SLC8A1: variants seen among roughly 807,000 people sequenced by gnomAD.
SLC8A1 encodes the protein solute carrier family 8 member A1.
SLC8A1 carries 18 observed loss-of-function variants against 68.3 expected under a neutral mutation model. The ratio of observed to expected loss-of-function variants is 0.26; its 90% confidence interval spans 0.18 to 0.39. The LOEUF (loss-of-function observed/expected upper bound fraction) is 0.39. Ranked by LOEUF, SLC8A1 falls within the 10% of genes least tolerant of loss-of-function variation. The pLI, the probability that SLC8A1 is intolerant of heterozygous loss-of-function variation, is 1.00. For missense variants in SLC8A1, 985 were observed against 1,156.7 expected, an observed-to-expected ratio of 0.85 and a Z score of 2.15; for synonymous variants, 475 against 415.5, an observed-to-expected ratio of 1.14 and a Z score of -1.74.
Position 40,282,548 on chromosome 2 carries a change from G to T in SLC8A1, c.1809-104693C>A, listed in dbSNP as rs557361775. Among the ~76,000 whole-genome samples, 3 of 152,272 alleles carry T rather than the reference G, an allele frequency of 2.0e-5. No homozygotes were observed. The East Asian group carries it at 5.8e-4, about 29-fold the overall frequency. On this transcript the variant is annotated intron_variant, in intron 2 of 7. Transcript: ENST00000406785. ...TACCCAAGATTAAAAATAAAAAATA[G>T]ACCTTGCTCTCAAGAGATTTCCTTT... is the stretch of plus-strand genomic sequence containing the variant.
chr2:40,224,924 C>T lies in SLC8A1; in HGVS notation c.1809-47069G>A, dbSNP rs181129871. 6.7e-4 allele frequency among the ~76,000 whole-genome samples: 102 copies of T among 152,300 alleles called. 1 individual carries two copies. The highest frequency in any genetic ancestry group is 6.8e-3 in the Middle Eastern group (2 of 294). The stretch of plus-strand genomic sequence containing the variant: ...AGGCTTGAGATGTGCTTAATTTTTA[C>T]AACTCCTGAAGTAGGAATACTGACT... On this transcript the variant is annotated intron_variant, in intron 2 of 7. Coordinates refer to ENST00000406785, the Ensembl canonical transcript of SLC8A1.
At chr2:40,319,250 AG>A (rs746301679) in intron 2 of SLC8A1, among the ~76,000 whole-genome samples, 2 of 152,108 alleles carry the variant, frequency 1.3e-5, no homozygotes, top group Admixed American at 6.6e-5. Flanking sequence ...GTGTTCGTGA[AG>A]CTTCCAGCAG....
chr2:40,241,136 G>A (rs978560068), intron 2 of SLC8A1, among the ~76,000 whole-genome samples: 3 of 151,912 alleles, frequency 2.0e-5, no homozygotes, highest in Non-Finnish European at 4.4e-5. Flanking sequence ...AAGCTAATAC[G>A]GTATATATAC....
intron 2 of SLC8A1, among the ~76,000 whole-genome samples, chr2:40,357,939 G>T (rs1673245719): frequency 6.6e-6 from 1 of 150,802 alleles, no homozygotes; most frequent in Non-Finnish European, 1.5e-5. Flanking sequence ...TGGTTCCTCT[G>T]TGCTGCCAGA....
At chr2:40,339,625 T>C (rs111250253) in intron 2 of SLC8A1, among the ~76,000 whole-genome samples, 8 of 152,194 alleles carry the variant, frequency 5.3e-5, no homozygotes, top group African/African-American at 1.7e-4. Context: ...GGTTATGAAA[T>C]AGAATGCAAT....
chr2:40,477,931 C>T (rs564036038), intron 1 of SLC8A1, among the ~76,000 whole-genome samples: 1 of 152,176 alleles, frequency 6.6e-6, no homozygotes, highest in African/African-American at 2.4e-5. Flanking sequence ...AGGGAATAAC[C>T]AGATGACCAT....
chr2:40,180,487 C>T (rs922312689), intron 2 of SLC8A1, among the ~76,000 whole-genome samples: 3 of 152,196 alleles, frequency 2.0e-5, no homozygotes, highest in Non-Finnish European at 2.9e-5. Context: ...GTCTTGCAAT[C>T]TTAAACTTTA....
At chr2:40,433,202 T>G (rs1228737391) in intron 1 of SLC8A1, among the ~76,000 whole-genome samples, 1 of 152,148 alleles carries the variant, frequency 6.6e-6, no homozygotes, top group Non-Finnish European at 1.5e-5. Flanking sequence ...CCCACTTCCC[T>G]GAGGACAAAG....
intron 2 of SLC8A1, among the ~76,000 whole-genome samples, chr2:40,386,271 A>G (rs1317575025): frequency 4.0e-5 from 6 of 151,450 alleles, no homozygotes; most frequent in Non-Finnish European, 2.9e-5. Context: ...ATTTTAGTTT[A>G]GATATTTTCC....
rs958473368 is a variant in SLC8A1, at chr2:40,410,242, C to T, written c.1808+18231G>A. Among the ~76,000 whole-genome samples the T allele has an allele frequency of 7.9e-5, 12 of 152,058 alleles. No individual in the cohort carries two copies. The South Asian group carries it at 2.1e-3, about 26-fold the overall frequency. ...AAGGATGTAATGAAAAAAATCAGGC[C>T]ATCAGAACAATAAATTATCCTGACT... On this transcript the variant is annotated intron_variant, in intron 2 of 7. Transcript: ENST00000406785.
chr2:40,187,614 T>C (rs418380), intron 2 of SLC8A1, among the ~76,000 whole-genome samples: 37,181 of 152,000 alleles, frequency 0.24, 4,819 homozygotes, highest in African/African-American at 0.29. Flanking sequence ...AAATGCAAAA[T>C]AAGAATAAAT....
At chr2:40,198,257 G>A (rs2053471540) in intron 2 of SLC8A1, among the ~76,000 whole-genome samples, 1 of 151,892 alleles carries the variant, frequency 6.6e-6, no homozygotes, top group African/African-American at 2.4e-5. Flanking sequence ...GGAAGATAAC[G>A]GTAGCAAAAA....
chr2:40,408,688 C>A (rs1016335839), intron 2 of SLC8A1, among the ~76,000 whole-genome samples: 1 of 152,162 alleles, frequency 6.6e-6, no homozygotes, highest in Non-Finnish European at 1.5e-5. Context: ...CCTTCACACA[C>A]ACAACAGTGG....
At chr2:40,363,795 A>T (rs1675255424) in intron 2 of SLC8A1, among the ~76,000 whole-genome samples, 1 of 151,924 alleles carries the variant, frequency 6.6e-6, no homozygotes, top group African/African-American at 2.4e-5. Flanking sequence ...ACAGCATTGT[A>T]TTTGGGCCCT....
Position 40,430,336 on chromosome 2 carries a change from A to T in SLC8A1, c.-24-32T>A. 4 of 1,534,798 alleles carry T rather than the reference A, an allele frequency of 2.6e-6. No homozygotes were observed. In the South Asian group the frequency reaches 5.2e-5, roughly 20 times the overall value. On this transcript the variant is annotated intron_variant, in intron 1 of 7. Coordinates refer to ENST00000406785, the Ensembl canonical transcript of SLC8A1. ...AAAATAAGATGGGGGAGAGGGCAGA[A>T]AAAAAGTCATGTCATTAGAGCTGCA...
chr2:40,255,508 A>C (rs995481870), intron 2 of SLC8A1, among the ~76,000 whole-genome samples: 35 of 152,324 alleles, frequency 2.3e-4, no homozygotes, highest in African/African-American at 7.2e-4. Flanking sequence ...AGTAGGGAGA[A>C]AGTGTTCTGG....
At chr2:40,169,977 A>G (rs181514312) in intron 4 of SLC8A1, among the ~76,000 whole-genome samples, 3 of 152,298 alleles carry the variant, frequency 2.0e-5, no homozygotes, top group Admixed American at 2.0e-4. Context: ...TACACTTGGG[A>G]TAAAAACTGA....
chr2:40,251,994 G>C (rs1300067552), intron 2 of SLC8A1, among the ~76,000 whole-genome samples: 1 of 151,696 alleles, frequency 6.6e-6, no homozygotes, highest in African/African-American at 2.4e-5. Flanking sequence ...TGAGAAAAAA[G>C]TTTGTTTTTA....
chr2:40,252,366 T>A (rs1337218886), intron 2 of SLC8A1, among the ~76,000 whole-genome samples: 1 of 152,154 alleles, frequency 6.6e-6, no homozygotes, highest in Admixed American at 6.5e-5. Flanking sequence ...GGAGTCTTGC[T>A]CTGTCACCCA....
Sources: gnomAD v4.1 joint callset for allele counts (sites outside exome capture counted in the v4.1 genomes callset) on GRCh38, gnomAD v4.1.1 for gene constraint, MANE v1.5 for transcripts, NCBI Gene and HGNC (gene_info 2026-07-23, HGNC 2026-07-21) for gene names.